Variants in NHS observed in about 807,000 individuals in gnomAD.
NHS encodes the protein actin remodeling regulator NHS.
Under a neutral mutation model 72.5 loss-of-function variants are expected in NHS, and 5 were observed. The observed-to-expected ratio is 0.07, with a 90% CI of 0.04 to 0.14. The LOEUF (loss-of-function observed/expected upper bound fraction) is 0.14. NHS is among the 10% of genes least tolerant of loss of function. The pLI, the probability that NHS is intolerant of heterozygous loss-of-function variation, is 1.00. For missense variants in NHS, 1,072 were observed against 1,355.7 expected, an observed-to-expected ratio of 0.79 and a Z score of 3.29; for synonymous variants, 464 against 547.7, an observed-to-expected ratio of 0.85 and a Z score of 2.13.
intron 1 of NHS, among the ~76,000 whole-genome samples, chrX:17,486,694 A>G (rs2064968923): frequency 8.9e-6 from 1 of 112,070 alleles, no homozygotes; most frequent in South Asian, 3.8e-4. Context: ...AGTAAAATAT[A>G]CTTTGCCTTC....
intron 6 of NHS, among the ~76,000 whole-genome samples, 187 bp from the exon 7 acceptor site, chrX:17,725,160 G>A (rs1450118335): frequency 9.1e-6 from 1 of 110,221 alleles, no homozygotes; most frequent in Non-Finnish European, 1.9e-5. Context: ...ACATATATGA[G>A]GGGGACGTGT....
intron 1 of NHS, among the ~76,000 whole-genome samples, chrX:17,547,407 G>C (rs1368436675): frequency 1.8e-5 from 2 of 111,695 alleles, no homozygotes; most frequent in Non-Finnish European, 3.8e-5. Flanking sequence ...CTTTCCTTGA[G>C]CCTCTGTTTT....
chrX:17,626,730 C>T (rs1012459034), intron 1 of NHS, among the ~76,000 whole-genome samples: 1 of 111,752 alleles, frequency 8.9e-6, no homozygotes, highest in Non-Finnish European at 1.9e-5. Context: ...AATTCTAAGC[C>T]GAAAATGCAG....
At position 17,735,311 on chromosome X, in the gene NHS, G is replaced by A. The variant is rs888020303; in HGVS notation, c.*2847G>A. 3 of 113,057 alleles carry A rather than the reference G, an allele frequency of 2.7e-5. No individual in the cohort carries two copies. The highest frequency in any genetic ancestry group is 9.7e-5 in the African/African-American group (3 of 31,025). The allele number at this position is 113,057 out of a possible 1,213,427, so 9.3% of individuals were successfully genotyped here. On this transcript the variant is annotated 3_prime_UTR_variant, in exon 9 of 9. Transcript: ENST00000676302. ...GCAAACAAGACCAAGATTTAGGGCT[G>A]TCTTTAACATCACTGCCGTCTTGAA...
At chrX:17,625,463 A>G (rs918378150) in intron 1 of NHS, among the ~76,000 whole-genome samples, 10 of 112,185 alleles carry the variant, frequency 8.9e-5, no homozygotes, top group African/African-American at 2.3e-4. Context: ...AGAAACGTCC[A>G]ATGAATTGAA....
intron 3 of NHS, among the ~76,000 whole-genome samples, chrX:17,717,585 G>C (rs772779068): frequency 1.1e-4 from 12 of 112,555 alleles, no homozygotes; most frequent in Middle Eastern, 4.6e-3. Flanking sequence ...GGGGATTCTG[G>C]TTACCAGATT....
At chrX:17,582,740 C>T (rs743880) in intron 1 of NHS, among the ~76,000 whole-genome samples, 21,450 of 112,318 alleles carry the variant, frequency 0.19, 1,813 homozygotes, top group South Asian at 0.44. Flanking sequence ...TCCTGCAGCA[C>T]GACCTAGGTC....
intron 1 of NHS, among the ~76,000 whole-genome samples, chrX:17,535,675 C>G (rs1029376540): frequency 9.0e-6 from 1 of 111,304 alleles, no homozygotes; most frequent in African/African-American, 3.3e-5. Flanking sequence ...GACTCCTGGG[C>G]TCAAACAATC....
At chrX:17,576,347 T>C (rs143432106) in intron 1 of NHS, among the ~76,000 whole-genome samples, 2,826 of 111,757 alleles carry the variant, frequency 0.025, 90 homozygotes, top group African/African-American at 0.087. Flanking sequence ...ACGAGATGTA[T>C]AGATTTGGTC....
At chrX:17,641,252 T>C (rs1244538345) in intron 1 of NHS, among the ~76,000 whole-genome samples, 2 of 111,713 alleles carry the variant, frequency 1.8e-5, no homozygotes, top group African/African-American at 6.5e-5. Context: ...CAGGGAAAAA[T>C]GTCCTTTGCT....
At chrX:17,608,635 T>G (rs1328110317) in intron 1 of NHS, among the ~76,000 whole-genome samples, 1 of 111,186 alleles carries the variant, frequency 9.0e-6, no homozygotes, top group Non-Finnish European at 1.9e-5. Flanking sequence ...GCCTGCTTTG[T>G]GTGGCTATAC....
intron 1 of NHS, among the ~76,000 whole-genome samples, chrX:17,541,589 T>A (rs1347746770): frequency 1.8e-5 from 2 of 111,471 alleles, no homozygotes; most frequent in Non-Finnish European, 3.8e-5. Context: ...AAATATAAAG[T>A]AAGATGCACG....
chrX:17,484,574 G>C (rs1283532485), intron 1 of NHS, among the ~76,000 whole-genome samples: 3 of 110,323 alleles, frequency 2.7e-5, no homozygotes, highest in African/African-American at 9.9e-5. Context: ...TCATGGGAAG[G>C]AACAGGCAAG....
At chrX:17,572,700 T>A (rs1379436491) in intron 1 of NHS, among the ~76,000 whole-genome samples, 4 of 110,522 alleles carry the variant, frequency 3.6e-5, no homozygotes, top group African/African-American at 1.3e-4. Context: ...TATTGTTATG[T>A]GTGAATTTGA....
chrX:17,545,417 C>T (rs2065287240), intron 1 of NHS, among the ~76,000 whole-genome samples: 1 of 111,934 alleles, frequency 8.9e-6, no homozygotes, highest in South Asian at 3.7e-4. Context: ...TCCGTTGGAT[C>T]GTCTATACCT....
At chrX:17,538,194 C>T (rs1202741741) in intron 1 of NHS, among the ~76,000 whole-genome samples, 1 of 112,118 alleles carries the variant, frequency 8.9e-6, no homozygotes, top group Non-Finnish European at 1.9e-5. Flanking sequence ...GGTTCCTGGA[C>T]TCATATAGTC....
chrX:17,635,368 AG>A (rs1195966347), intron 1 of NHS: 16 of 1,126,644 alleles, frequency 1.4e-5, no homozygotes, highest in South Asian at 2.1e-5. Flanking sequence ...CTCCCCCTCC[AG>A]GGGGGAGTCC....
chrX:17,456,897 T>C (rs2064827911), intron 1 of NHS, among the ~76,000 whole-genome samples: 3 of 111,416 alleles, frequency 2.7e-5, no homozygotes, highest in Admixed American at 1.9e-4. Flanking sequence ...GAAAACCAAA[T>C]AGGGTGAAGA....
intron 1 of NHS, among the ~76,000 whole-genome samples, chrX:17,487,227 C>G (rs2064970914): frequency 1.8e-5 from 2 of 112,143 alleles, no homozygotes; most frequent in South Asian, 7.5e-4. Context: ...AAGGAACTTG[C>G]CCAAGTCACA....
Sources: allele counts gnomAD v4.1 joint callset (sites outside exome capture counted in the v4.1 genomes callset), GRCh38; gene constraint gnomAD v4.1.1; transcripts MANE v1.5; gene names NCBI Gene and HGNC (gene_info 2026-07-23, HGNC 2026-07-21).